HSPA12A: variants seen among roughly 807,000 people sequenced by gnomAD.
HSPA12A encodes heat shock 70 kDa protein 12A.
Under a neutral mutation model 69.2 loss-of-function variants are expected in HSPA12A, and 28 were observed. The observed-to-expected ratio is 0.40, with a 90% confidence interval of 0.30 to 0.55. The LOEUF is 0.55. Among genes scored for constraint, HSPA12A ranks in the 20% least tolerant of loss-of-function variants. HSPA12A has a pLI of 0.38. For missense variants in HSPA12A, 686 were observed against 900.7 expected (o/e 0.76, Z 3.05); for synonymous variants, 345 against 370.5 (o/e 0.93, Z 0.79).
chr10:116,726,021 A>ACACGCGCG (rs1369464177), intron 1 of HSPA12A, among the ~76,000 whole-genome samples: 9 of 50,788 alleles, frequency 1.8e-4, no homozygotes, highest in African/African-American at 2.9e-4. Flanking sequence ...AGACACACAC[A>ACACGCGCG]CACACGCACA....
intron 2 of HSPA12A, among the ~76,000 whole-genome samples, chr10:116,778,270 T>G (rs1554891363): frequency 1.3e-5 from 2 of 152,234 alleles, no homozygotes. Context: ...TTTTCTTTCA[T>G]GAATGCACTT....
chr10:116,682,836 G>C (rs1554878885), intron 7 of HSPA12A, among the ~76,000 whole-genome samples: 1 of 151,360 alleles, frequency 6.6e-6, no homozygotes, highest in Non-Finnish European at 1.5e-5. Context: ...AAGTAGCTGG[G>C]ACTACAGGCA....
intron 4 of HSPA12A, 105 bp from the exon 5 acceptor site, chr10:116,698,844 T>C (rs1849995868): frequency 1.2e-6 from 1 of 854,602 alleles, no homozygotes; most frequent in African/African-American, 1.7e-5. Context: ...TGGTGAGCCA[T>C]GTCTGTGTTC....
At chr10:116,739,695 C>T (rs1291872232) in intron 1 of HSPA12A, among the ~76,000 whole-genome samples, 1 of 152,202 alleles carries the variant, frequency 6.6e-6, no homozygotes, top group African/African-American at 2.4e-5. Context: ...TCAAATTTTG[C>T]TGTCCAACAC....
chr10:116,777,606 G>A (rs746508301), intron 2 of HSPA12A, among the ~76,000 whole-genome samples: 13 of 152,202 alleles, frequency 8.5e-5, no homozygotes, highest in Non-Finnish European at 1.6e-4. Flanking sequence ...TGATGTCACC[G>A]AATACGGAGT....
chr10:116,848,446 C>T (rs1845943467), intron 1 of HSPA12A, among the ~76,000 whole-genome samples: 1 of 152,192 alleles, frequency 6.6e-6, no homozygotes. Flanking sequence ...TCATTTTGTA[C>T]TAAGTGACTC....
At chr10:116,817,813 G>A (rs1003868596) in intron 2 of HSPA12A, among the ~76,000 whole-genome samples, 2 of 152,176 alleles carry the variant, frequency 1.3e-5, no homozygotes, top group Non-Finnish European at 2.9e-5. Flanking sequence ...AAGATAAGCT[G>A]CAAACATGAA....
chr10:116,801,339 G>A (rs183333047), intron 2 of HSPA12A, among the ~76,000 whole-genome samples: 17 of 152,242 alleles, frequency 1.1e-4, no homozygotes, highest in Non-Finnish European at 2.5e-4. Flanking sequence ...CACATCCATC[G>A]GAGGTTTTCA....
At chr10:116,746,003 C>A (rs1225875229), upstream of HSPA12A, among the ~76,000 whole-genome samples, 1 of 152,142 alleles carries the variant, frequency 6.6e-6, no homozygotes, top group Non-Finnish European at 1.5e-5. Flanking sequence ...TAGCTGCCAG[C>A]TCTCCAAAGT....
At position 116,682,457 on chromosome 10, in the gene HSPA12A, G is replaced by GGGGT. The variant is rs1849437761; in HGVS notation, c.836-581_836-580insACCC. Among the ~76,000 whole-genome samples, 4 of 141,000 alleles carry GGGGT rather than the reference G, an allele frequency of 2.8e-5. 1 individual carries two copies. Among genetic ancestry groups the GGGGT allele is most frequent in the African/African-American group, 1.1e-4 (4 of 36,180 alleles). The allele number at this position is 141,000 out of a possible 152,430, so 92.5% of individuals were successfully genotyped here. ...ACATGCACCCTGGGTAAATAGACTG[G>GGGGT]GGGGGGGGGCCATTTCCTGACCCAG... On this transcript the variant is annotated intron_variant, in intron 7 of 11. Coordinates refer to ENST00000369209, the MANE Select transcript of HSPA12A (RefSeq NM_025015.3).
At chr10:116,740,417 G>A (rs1435427225) in intron 1 of HSPA12A, among the ~76,000 whole-genome samples, 2 of 152,190 alleles carry the variant, frequency 1.3e-5, no homozygotes, top group African/African-American at 2.4e-5. Flanking sequence ...GATAAAGGGA[G>A]AGGTGCCCAG....
rs78661606 is a variant in HSPA12A at position 116,754,133 on chromosome 10, C to T, written c.92-46848G>A. 4.1e-3 allele frequency among the ~76,000 whole-genome samples: 617 copies of T among 152,308 alleles called. 1 individual carries two copies. Among genetic ancestry groups the T allele is most frequent in the African/African-American group, 0.014 (589 of 41,574 alleles). ...ACAGCCAGGTAATGCCCTCAAACTG[C>T]TCCACCGAAGTCCTTCCCAGGCTGG... is the stretch of plus-strand genomic sequence containing the variant. On this transcript the variant is annotated intron_variant, in intron 2 of 12. Coordinates refer to the HSPA12A transcript ENST00000635765.
At chr10:116,785,415 G>A (rs1165320511) in intron 2 of HSPA12A, among the ~76,000 whole-genome samples, 1 of 152,088 alleles carries the variant, frequency 6.6e-6, no homozygotes, top group Admixed American at 6.5e-5. Flanking sequence ...TGGGAGCTGA[G>A]AGCAGTCCTG....
At chr10:116,681,299 C>T (rs782094876) in intron 8 of HSPA12A, 43 bp from the exon 9 acceptor site, 6 of 1,523,630 alleles carry the variant, frequency 3.9e-6, no homozygotes, top group East Asian at 4.5e-5. Context: ...TGTTTGCCAA[C>T]CCCATCTGAA....
intron 2 of HSPA12A, among the ~76,000 whole-genome samples, chr10:116,827,294 T>C (rs1460646230): frequency 6.6e-6 from 1 of 152,164 alleles, no homozygotes; most frequent in East Asian, 1.9e-4. Context: ...AGGGGGAGCC[T>C]CAAGCACCTC....
chr10:116,683,895 A>G lies in HSPA12A; in HGVS notation c.731T>C (p.Ile244Thr). ...IIALEPEAAS[I>T]YCRKLRLHQM... is the part of the protein sequence containing the mutation. ...GTGTAGCCGCAGCTTTCGGCAGTAG[A>G]TAGAGGCTGCCTCAGGCTCCAAGGC... Residue 244 changes from isoleucine to threonine, a missense_variant, in exon 7 of 12, where the codon ATC becomes ACC. Physicochemically the swap from Ile to Thr is moderately conservative, Grantham distance 89 (BLOSUM62 -1). Coordinates refer to ENST00000369209, the MANE Select transcript of HSPA12A (RefSeq NM_025015.3). The G allele has an allele frequency of 6.3e-7, 1 of 1,596,290 alleles. No homozygotes were observed. The highest frequency in any genetic ancestry group is 8.6e-7 in the Non-Finnish European group (1 of 1,166,876).
intron 2 of HSPA12A, among the ~76,000 whole-genome samples, chr10:116,758,775 T>C (rs1342760575): frequency 6.6e-6 from 1 of 152,130 alleles, no homozygotes; most frequent in Non-Finnish European, 1.5e-5. Context: ...TGCTCAAGTT[T>C]TTTGAAGAAT....
chr10:116,846,424 A>G (rs2133228712), intron 1 of HSPA12A, among the ~76,000 whole-genome samples: 1 of 150,920 alleles, frequency 6.6e-6, no homozygotes, highest in East Asian at 2.0e-4. Context: ...ATCTCGGCTC[A>G]CTACAACCTC....
At chr10:116,708,839 A>T (rs1195108328) in intron 1 of HSPA12A, among the ~76,000 whole-genome samples, 9 of 152,262 alleles carry the variant, frequency 5.9e-5, no homozygotes, top group Non-Finnish European at 1.3e-4. Context: ...AACCAGTGAG[A>T]TATGGCTTCA....
Sources: gnomAD v4.1 joint callset for allele counts (sites outside exome capture counted in the v4.1 genomes callset) on GRCh38, gnomAD v4.1.1 for gene constraint, MANE v1.5 for transcripts, NCBI Gene and HGNC (gene_info 2026-07-23, HGNC 2026-07-21) for gene names.